The following DOCK2 variants were observed in gnomAD, a reference collection of about 807,000 sequenced individuals.
DOCK2 encodes dedicator of cytokinesis 2, also known as dedicator of cytokinesis protein 2.
In DOCK2, 87 loss-of-function variants were observed where a neutral mutation model predicts 248.9. That is an observed-to-expected ratio of 0.35 (90% CI 0.29 to 0.42). The LOEUF (loss-of-function observed/expected upper bound fraction) is 0.42. Ranked by LOEUF, DOCK2 falls within the 10% of genes least tolerant of loss-of-function variation. DOCK2 has a pLI of 1.00. For missense variants in DOCK2, 1,747 were observed against 2,300.2 expected (o/e 0.76, Z 4.92); for synonymous variants, 805 against 821.6 (o/e 0.98, Z 0.35).
At chr5:169,660,007 T>TG (rs968844991) in intron 2 of DOCK2, among the ~76,000 whole-genome samples, 5 of 152,182 alleles carry the variant, frequency 3.3e-5, no homozygotes, top group Admixed American at 3.3e-4. Flanking sequence ...GGAGGGAGTT[T>TG]GGGGTGCTTT....
intron 22 of DOCK2, among the ~76,000 whole-genome samples, chr5:169,738,951 C>T (rs576741337): frequency 6.6e-6 from 1 of 152,284 alleles, no homozygotes; most frequent in South Asian, 2.1e-4. Context: ...AAAGAGGTCT[C>T]CAGGCACTCA....
intron 41 of DOCK2, among the ~76,000 whole-genome samples, chr5:170,053,060 C>G (rs932104016): frequency 6.6e-6 from 1 of 152,216 alleles, no homozygotes; most frequent in African/African-American, 2.4e-5. Context: ...AAGCCAAAGT[C>G]TCTTTGTAGG....
chr5:170,022,693 C>A (rs954656009), intron 33 of DOCK2, among the ~76,000 whole-genome samples: 1 of 151,994 alleles, frequency 6.6e-6, no homozygotes, highest in Non-Finnish European at 1.5e-5. Context: ...CTGGATTGAG[C>A]GGTCATCACA....
At chr5:169,860,744 C>T (rs1433250136) in intron 27 of DOCK2, among the ~76,000 whole-genome samples, 1 of 152,194 alleles carries the variant, frequency 6.6e-6, no homozygotes, top group Non-Finnish European at 1.5e-5. Flanking sequence ...CTCTCTCAAA[C>T]ATCCTGTTTA....
At chr5:169,771,419 G>C (rs1427746397) in intron 25 of DOCK2, among the ~76,000 whole-genome samples, 3 of 152,254 alleles carry the variant, frequency 2.0e-5, no homozygotes, top group East Asian at 3.9e-4. Flanking sequence ...GAGTAGCTGG[G>C]ATTACAGGTG....
intron 35 of DOCK2, 34 bp from the exon 36 acceptor site, chr5:170,036,481 C>T (rs749026728): frequency 6.2e-7 from 1 of 1,608,550 alleles, no homozygotes; most frequent in South Asian, 1.1e-5. Context: ...TTGCAGAGAA[C>T]AACACTCATC....
chr5:169,914,086 T>G (rs1467491843), intron 27 of DOCK2, among the ~76,000 whole-genome samples: 1 of 152,204 alleles, frequency 6.6e-6, no homozygotes, highest in African/African-American at 2.4e-5. Flanking sequence ...AGAAAAAATA[T>G]GCATGCTCTG....
chr5:169,823,572 C>G (rs534413719), intron 26 of DOCK2, among the ~76,000 whole-genome samples: 1 of 152,242 alleles, frequency 6.6e-6, no homozygotes, highest in African/African-American at 2.4e-5. Flanking sequence ...ATTCAGCAGC[C>G]CTTCCTGCTA....
At chr5:169,999,330 T>G (rs767454047) in intron 30 of DOCK2, among the ~76,000 whole-genome samples, 1 of 152,164 alleles carries the variant, frequency 6.6e-6, no homozygotes, top group Non-Finnish European at 1.5e-5. Context: ...AGCTATATCA[T>G]TGGATTGTTG....
intron 24 of DOCK2, among the ~76,000 whole-genome samples, chr5:169,760,300 C>T (rs1393968902): frequency 2.1e-5 from 3 of 143,528 alleles, no homozygotes; most frequent in Non-Finnish European, 4.7e-5. Context: ...TTGTAGTTTA[C>T]AGATAACAGA....
intron 5 of DOCK2, 50 bp downstream of exon 5, chr5:169,671,224 A>T: frequency 6.4e-7 from 1 of 1,563,954 alleles, no homozygotes; most frequent in Non-Finnish European, 8.8e-7. Flanking sequence ...TGCAATCTTC[A>T]GTTTGGTTCC....
At chr5:169,703,719 T>C (rs1228891062) in intron 14 of DOCK2, among the ~76,000 whole-genome samples, 1 of 152,222 alleles carries the variant, frequency 6.6e-6, no homozygotes, top group East Asian at 1.9e-4. Flanking sequence ...CCTCCTTTTG[T>C]TGCAGTCTGA....
intron 29 of DOCK2, among the ~76,000 whole-genome samples, chr5:169,988,267 A>G (rs1778119901): frequency 6.6e-6 from 1 of 151,990 alleles, no homozygotes. Flanking sequence ...ATATTATAAT[A>G]GCTAACATTT....
At chr5:169,914,333 T>C (rs17071870) in intron 27 of DOCK2, among the ~76,000 whole-genome samples, 8,534 of 152,254 alleles carry the variant, frequency 0.056, 258 homozygotes, top group Middle Eastern at 0.092. Flanking sequence ...CCTAAACCTT[T>C]CTTTGGTTAA....
At chr5:169,740,692 A>C (rs1470714383) in intron 22 of DOCK2, among the ~76,000 whole-genome samples, 1 of 152,204 alleles carries the variant, frequency 6.6e-6, no homozygotes, top group Non-Finnish European at 1.5e-5. Flanking sequence ...TGACACTAGC[A>C]ACACTGTAGT....
chr5:169,920,793 A>G (rs1775130307), intron 27 of DOCK2, among the ~76,000 whole-genome samples: 1 of 152,172 alleles, frequency 6.6e-6, no homozygotes, highest in South Asian at 2.1e-4. Context: ...TAAGAGCTGA[A>G]TGGCTGAGCT....
chr5:170,069,114 G>T, intron 45 of DOCK2, 23 bp from the exon 46 acceptor site: 2 of 1,609,450 alleles, frequency 1.2e-6, no homozygotes, highest in South Asian at 2.2e-5. Context: ...AGGAAACCCT[G>T]ACCTCCTATC....
chr5:169,839,899 A>T (rs990950633), intron 26 of DOCK2, among the ~76,000 whole-genome samples: 15 of 152,144 alleles, frequency 9.9e-5, no homozygotes, highest in Non-Finnish European at 1.3e-4. Flanking sequence ...GTGTGTTGGC[A>T]TTTCCGTTAC....
chr5:170,036,382 T>C (rs1218010288), intron 35 of DOCK2, 133 bp from the exon 36 acceptor site: 1 of 887,120 alleles, frequency 1.1e-6, no homozygotes, highest in Non-Finnish European at 1.7e-6. Context: ...TCCAGGAAAA[T>C]AAGTTTCTTA....
Sources: allele counts gnomAD v4.1 joint callset (sites outside exome capture counted in the v4.1 genomes callset), GRCh38; gene constraint gnomAD v4.1.1; transcripts MANE v1.5; gene names NCBI Gene and HGNC (gene_info 2026-07-23, HGNC 2026-07-21).